Variants in NCKAP5 observed in about 807,000 individuals in gnomAD.
The protein encoded by NCKAP5 is nck-associated protein 5.
NCKAP5 carries 92 observed loss-of-function variants against 167.0 expected under a neutral mutation model. The observed-to-expected ratio is 0.55, with a 90% confidence interval of 0.47 to 0.66. The LOEUF (loss-of-function observed/expected upper bound fraction) is 0.66. Among genes scored for constraint, NCKAP5 ranks in the 30% least tolerant of loss-of-function variants. The pLI is 0.00. For synonymous variants in NCKAP5, 891 were observed against 877.4 expected (o/e 1.02, Z -0.27); for missense variants, 2,378 against 2,315.0 (o/e 1.03, Z -0.56).
chr2:133,213,219 A>T (rs1559275273), intron 5 of NCKAP5, among the ~76,000 whole-genome samples: 2 of 152,328 alleles, frequency 1.3e-5, no homozygotes, highest in East Asian at 3.9e-4. Flanking sequence ...TTCAAAATAC[A>T]AGGAAACATC....
intron 16 of NCKAP5, among the ~76,000 whole-genome samples, chr2:132,760,085 C>A (rs769372380): frequency 6.6e-6 from 1 of 152,038 alleles, no homozygotes; most frequent in South Asian, 2.1e-4. Context: ...TTGCTTAATG[C>A]CTCTTCCCAC....
chr2:133,536,825 C>G (rs1685800570), intron 2 of NCKAP5, among the ~76,000 whole-genome samples: 1 of 151,618 alleles, frequency 6.6e-6, no homozygotes, highest in Non-Finnish European at 1.5e-5. Context: ...GATGTCCAAG[C>G]TATCTGTTTT....
At chr2:133,046,702 A>G (rs1453156976) in intron 6 of NCKAP5, among the ~76,000 whole-genome samples, 3 of 152,168 alleles carry the variant, frequency 2.0e-5, no homozygotes, top group African/African-American at 7.2e-5. Flanking sequence ...ATATTTCACT[A>G]AAGAGAAACT....
intron 6 of NCKAP5, among the ~76,000 whole-genome samples, chr2:133,098,880 C>G (rs1488222623): frequency 1.3e-5 from 2 of 152,136 alleles, no homozygotes; most frequent in African/African-American, 4.8e-5. Flanking sequence ...ACCAAGAGCA[C>G]AAGCATAAAT....
chr2:132,749,283 A>C (rs1452829058), intron 16 of NCKAP5, among the ~76,000 whole-genome samples: 1 of 151,944 alleles, frequency 6.6e-6, no homozygotes, highest in Non-Finnish European at 1.5e-5. Context: ...CACTCACTAC[A>C]ACCTTCACCT....
At chr2:133,309,810 T>A (rs991158005) in intron 3 of NCKAP5, among the ~76,000 whole-genome samples, 1 of 152,192 alleles carries the variant, frequency 6.6e-6, no homozygotes, top group Non-Finnish European at 1.5e-5. Flanking sequence ...GATGTGAGGA[T>A]CTTAAGTATC....
Position 133,089,516 on chromosome 2 carries a change from C to T in NCKAP5, c.341+40462G>A, listed in dbSNP as rs560161919. 2.6e-5 allele frequency among the ~76,000 whole-genome samples: 4 copies of T among 152,270 alleles called. No individual in the cohort carries two copies. In the South Asian group the frequency reaches 8.3e-4, roughly 32 times the overall value. On this transcript the variant is annotated intron_variant, in intron 6 of 19. Coordinates refer to ENST00000409261, the MANE Select transcript of NCKAP5 (RefSeq NM_207363.3). The stretch of plus-strand genomic sequence containing the variant: ...GTTAACTTGGATGGTTCAAATGATG[C>T]CCCTGTTGAGGGCATAGTCTACCAA...
At chr2:133,420,213 C>T (rs1041800085) in intron 3 of NCKAP5, among the ~76,000 whole-genome samples, 1 of 152,108 alleles carries the variant, frequency 6.6e-6, no homozygotes, top group Non-Finnish European at 1.5e-5. Context: ...AATGTAGAAA[C>T]CTAGATTTCC....
intron 16 of NCKAP5, among the ~76,000 whole-genome samples, chr2:132,742,062 G>T (rs997244622): frequency 6.6e-6 from 1 of 152,012 alleles, no homozygotes; most frequent in Non-Finnish European, 1.5e-5. Flanking sequence ...AATCCTAAAA[G>T]ATTATCTTTG....
At chr2:133,243,651 C>A (rs765838319) in intron 4 of NCKAP5, among the ~76,000 whole-genome samples, 20 of 152,168 alleles carry the variant, frequency 1.3e-4, no homozygotes, top group Non-Finnish European at 2.4e-4. Flanking sequence ...TCAGTATTTG[C>A]AAGCTGAAGC....
At chr2:133,228,961 A>C (rs546541557) in intron 4 of NCKAP5, among the ~76,000 whole-genome samples, 1 of 152,360 alleles carries the variant, frequency 6.6e-6, no homozygotes, top group Non-Finnish European at 1.5e-5. Flanking sequence ...TCAGAGGGAA[A>C]AATAAAAGAA....
At chr2:132,997,055 A>G (rs2077624636) in intron 6 of NCKAP5, among the ~76,000 whole-genome samples, 1 of 152,214 alleles carries the variant, frequency 6.6e-6, no homozygotes, top group African/African-American at 2.4e-5. Flanking sequence ...CCCTCTTACT[A>G]AGGGCTTCTC....
At chr2:133,193,027 G>A (rs1004203763) in intron 5 of NCKAP5, among the ~76,000 whole-genome samples, 4 of 152,056 alleles carry the variant, frequency 2.6e-5, no homozygotes, top group Non-Finnish European at 4.4e-5. Context: ...TGATTAAAAA[G>A]TTGTGGTACA....
At chr2:133,165,903 T>A (rs959980657) in intron 5 of NCKAP5, among the ~76,000 whole-genome samples, 2 of 152,222 alleles carry the variant, frequency 1.3e-5, no homozygotes, top group African/African-American at 2.4e-5. Flanking sequence ...GATTATATTA[T>A]TTTTTGGTGA....
At chr2:133,357,936 A>C (rs989824465) in intron 3 of NCKAP5, among the ~76,000 whole-genome samples, 1 of 152,170 alleles carries the variant, frequency 6.6e-6, no homozygotes, top group Non-Finnish European at 1.5e-5. Context: ...ATACCAAAGA[A>C]CTGGTGATTA....
chr2:132,983,436 T>C (rs182199847), intron 7 of NCKAP5, among the ~76,000 whole-genome samples: 1 of 152,320 alleles, frequency 6.6e-6, no homozygotes, highest in South Asian at 2.1e-4. Context: ...AGATGTTGGC[T>C]ATGGGTCTGT....
chr2:132,717,037 G>A (rs1201545672), intron 19 of NCKAP5, among the ~76,000 whole-genome samples: 2 of 152,128 alleles, frequency 1.3e-5, no homozygotes, highest in African/African-American at 4.8e-5. Flanking sequence ...ATAGCTAAAA[G>A]GGCTGTGGAT....
chr2:133,284,178 T>G (rs911463653), intron 4 of NCKAP5, among the ~76,000 whole-genome samples: 9 of 151,830 alleles, frequency 5.9e-5, no homozygotes, highest in African/African-American at 2.2e-4. Context: ...TATATATGAT[T>G]GTATATAATA....
rs146235414 is a variant in NCKAP5, at chr2:133,486,974, G to A, written c.69+30484C>T. On this transcript the variant is annotated intron_variant, in intron 3 of 19. Coordinates refer to ENST00000409261, the MANE Select transcript of NCKAP5 (RefSeq NM_207363.3). ...ACAATGACTCCAGCTTGTATGAATC[G>A]CACCCTGGAAAACTCAGCCCAGCAC... is the stretch of plus-strand genomic sequence containing the variant. Among the ~76,000 whole-genome samples the A allele has an allele frequency of 4.7e-4, 72 of 152,206 alleles. No homozygotes were observed. The East Asian group carries it at 0.011, about 23-fold the overall frequency.
Sources: gnomAD v4.1 joint callset for allele counts (sites outside exome capture counted in the v4.1 genomes callset) on GRCh38, gnomAD v4.1.1 for gene constraint, MANE v1.5 for transcripts, NCBI Gene and HGNC (gene_info 2026-07-23, HGNC 2026-07-21) for gene names.